Variants in ALCAM observed in about 807,000 individuals in gnomAD.
ALCAM encodes the protein activated leukocyte cell adhesion molecule.
A neutral mutation model predicts 70.9 loss-of-function variants in ALCAM; 30 were observed. The ratio of observed to expected loss-of-function variants is 0.42; its 90% CI spans 0.32 to 0.57. The LOEUF (loss-of-function observed/expected upper bound fraction) is 0.57. ALCAM is among the 20% of genes least tolerant of loss of function. The probability of loss-of-function intolerance (pLI) is 0.11; values close to 1 mark genes in which losing one functional copy is unlikely to be tolerated. For synonymous variants in ALCAM, 249 were observed against 242.5 expected (o/e 1.03, Z -0.25); for missense variants, 591 against 695.1 (o/e 0.85, Z 1.68).
intron 1 of ALCAM, among the ~76,000 whole-genome samples, chr3:105,427,119 G>A (rs567913296): frequency 4.0e-5 from 6 of 151,730 alleles, no homozygotes; most frequent in African/African-American, 7.3e-5. Flanking sequence ...AAGTATCTTC[G>A]GTTCTTAGAA....
chr3:105,514,260 A>T (rs1182374598), intron 1 of ALCAM, among the ~76,000 whole-genome samples: 2 of 151,938 alleles, frequency 1.3e-5, no homozygotes, highest in Non-Finnish European at 2.9e-5. Flanking sequence ...TAAATATTTG[A>T]TGCATGATTG....
At chr3:105,494,546 G>T (rs942513808) in intron 1 of ALCAM, among the ~76,000 whole-genome samples, 2 of 151,548 alleles carry the variant, frequency 1.3e-5, no homozygotes, top group African/African-American at 4.9e-5. Flanking sequence ...TCTTAAGAAA[G>T]ACATCCTGCT....
intron 14 of ALCAM, among the ~76,000 whole-genome samples, chr3:105,562,919 C>T (rs13086023): frequency 0.073 from 11,099 of 152,252 alleles, 493 homozygotes; most frequent in African/African-American, 0.12. Flanking sequence ...GATTTTCCTG[C>T]CTCAGCCTCC....
chr3:105,511,318 G>C (rs1034148207), intron 1 of ALCAM, among the ~76,000 whole-genome samples: 1 of 151,996 alleles, frequency 6.6e-6, no homozygotes, highest in East Asian at 1.9e-4. Context: ...TCAGATAGCA[G>C]ATTATACTGA....
At chr3:105,442,408 T>G (rs1006200897) in intron 1 of ALCAM, among the ~76,000 whole-genome samples, 15 of 152,234 alleles carry the variant, frequency 9.9e-5, no homozygotes, top group African/African-American at 3.6e-4. Context: ...TTCAGTTTGT[T>G]TCTTAGGATA....
chr3:105,533,587 C>T lies in ALCAM; in HGVS notation c.460-16C>T, dbSNP rs368628373. The T allele has an allele frequency of 8.1e-6, 13 of 1,606,586 alleles. No homozygotes were observed. The African/African-American group carries it at 1.7e-4, about 22-fold the overall frequency. The stretch of plus-strand genomic sequence containing the variant: ...TGATTGAACCAAGGTAATAACATTG[C>T]CTTTTTATTTTGCAGTTGGGTGACT... On this transcript the variant is annotated splice_polypyrimidine_tract_variant and intron_variant, in intron 4 of 15. Coordinates refer to ENST00000306107, the MANE Select transcript of ALCAM (RefSeq NM_001627.4).
At chr3:105,572,235 C>A (rs1463839976) in intron 15 of ALCAM, among the ~76,000 whole-genome samples, 1 of 152,026 alleles carries the variant, frequency 6.6e-6, no homozygotes, top group Non-Finnish European at 1.5e-5. Context: ...CCTCCCCTAG[C>A]CCCCCACCCC....
intron 1 of ALCAM, among the ~76,000 whole-genome samples, chr3:105,495,045 G>A (rs904972180): frequency 6.6e-6 from 1 of 152,042 alleles, no homozygotes; most frequent in Non-Finnish European, 1.5e-5. Flanking sequence ...CTGTCCTCTT[G>A]GTGCACTAAA....
intron 1 of ALCAM, among the ~76,000 whole-genome samples, chr3:105,397,948 T>C (rs1458082821): frequency 6.6e-6 from 1 of 152,082 alleles, no homozygotes; most frequent in Non-Finnish European, 1.5e-5. Flanking sequence ...AGCTACTGTG[T>C]TAAGTTGGAT....
chr3:105,377,558 T>G (rs956373807), intron 1 of ALCAM, among the ~76,000 whole-genome samples: 2 of 152,084 alleles, frequency 1.3e-5, no homozygotes, highest in East Asian at 3.9e-4. Flanking sequence ...ATTTAAAGCT[T>G]ATTGGAAAAG....
At chr3:105,514,487 A>G (rs1939327739) in intron 1 of ALCAM, among the ~76,000 whole-genome samples, 1 of 152,036 alleles carries the variant, frequency 6.6e-6, no homozygotes, top group African/African-American at 2.4e-5. Flanking sequence ...TCTGCACAGC[A>G]ATGTAAATAT....
In ALCAM at chr3:105,460,672, TA is replaced by T. The variant is rs911305987; in HGVS notation, c.74-59394del. 3.4e-4 allele frequency among the ~76,000 whole-genome samples: 52 copies of T among 151,966 alleles called. 1 individual carries two copies. The Middle Eastern group carries it at 0.01, about 30-fold the overall frequency. ...AAAGAAACACAGAGAAGGAAATGAA[TA>T]CCCCTTCTCCCATCATAACTCTTCT... is the stretch of plus-strand genomic sequence containing the variant. On this transcript the variant is annotated intron_variant, in intron 1 of 15. Transcript: ENST00000306107.
intron 1 of ALCAM, among the ~76,000 whole-genome samples, chr3:105,487,498 C>T (rs564226693): frequency 3.9e-5 from 6 of 152,058 alleles, no homozygotes; most frequent in Non-Finnish European, 8.8e-5. Context: ...GTGTTTCTGC[C>T]CCCAGGTTCT....
chr3:105,507,159 T>C (rs1021964225), intron 1 of ALCAM, among the ~76,000 whole-genome samples: 4 of 152,160 alleles, frequency 2.6e-5, no homozygotes, highest in Non-Finnish European at 1.5e-5. Flanking sequence ...AGAGCTCCTA[T>C]ATAGGCCCGC....
chr3:105,467,673 A>T (rs766740520), intron 1 of ALCAM, among the ~76,000 whole-genome samples: 13 of 151,240 alleles, frequency 8.6e-5, no homozygotes, highest in Non-Finnish European at 1.6e-4. Flanking sequence ...ATCAGAAGTG[A>T]TTAGGGTGTG....
At chr3:105,444,409 ACT>A (rs1215131664) in intron 1 of ALCAM, among the ~76,000 whole-genome samples, 1 of 151,822 alleles carries the variant, frequency 6.6e-6, no homozygotes, top group East Asian at 1.9e-4. Flanking sequence ...TGTCATGACA[ACT>A]CTCTCATTAT....
chr3:105,490,847 G>A (rs1576198138), intron 1 of ALCAM, among the ~76,000 whole-genome samples: 1 of 152,264 alleles, frequency 6.6e-6, no homozygotes, highest in Non-Finnish European at 1.5e-5. Flanking sequence ...GCTTTTCTCG[G>A]CACACAGTGC....
chr3:105,451,713 A>G (rs1410177232), intron 1 of ALCAM, among the ~76,000 whole-genome samples: 1 of 152,250 alleles, frequency 6.6e-6, no homozygotes, highest in African/African-American at 2.4e-5. Flanking sequence ...ATATATAAAC[A>G]AAACTGGTTT....
chr3:105,496,349 TC>T (rs1055155984), intron 1 of ALCAM, among the ~76,000 whole-genome samples: 5 of 151,830 alleles, frequency 3.3e-5, no homozygotes, highest in African/African-American at 4.8e-5. Flanking sequence ...AACAGTCATT[TC>T]CCCAGAAAAG....
Sources: allele counts gnomAD v4.1 joint callset (sites outside exome capture counted in the v4.1 genomes callset), GRCh38; gene constraint gnomAD v4.1.1; transcripts MANE v1.5; gene names NCBI Gene and HGNC (gene_info 2026-07-23, HGNC 2026-07-21).